AK4: variants seen among roughly 807,000 people sequenced by gnomAD.
AK4 encodes the protein adenylate kinase 4, also known as adenylate kinase 4, mitochondrial.
AK4 carries 13 observed loss-of-function variants against 24.6 expected under a neutral mutation model. The ratio of observed to expected loss-of-function variants is 0.53; its 90% CI spans 0.34 to 0.84. AK4 has a LOEUF of 0.84. Among genes scored for constraint, AK4 ranks in the 40% least tolerant of loss-of-function variants. The pLI is 0.01. For synonymous variants in AK4, 88 were observed against 107.0 expected (o/e 0.82, Z 1.10); for missense variants, 192 against 288.2 (o/e 0.67, Z 2.42).
At chr1:65,183,650 CGTGTGTGTGTGTGTGTGTGTGTGT>C (rs56067788) in intron 1 of AK4, among the ~76,000 whole-genome samples, 1 of 140,732 alleles carries the variant, frequency 7.1e-6, no homozygotes. Context: ...TATAAATATC[CGTGTGTGTGTGTGTGTGTGTGTGT>C]GTGTGTGTGT....
intron 4 of AK4, 128 bp downstream of exon 4, chr1:65,224,998 T>C: frequency 1.6e-6 from 1 of 625,276 alleles, no homozygotes. Context: ...ATCCAAAACC[T>C]TCCCAGAAGT....
intron 1 of AK4, among the ~76,000 whole-genome samples, chr1:65,165,203 ATC>A (rs1650287796): frequency 6.6e-6 from 1 of 152,172 alleles, no homozygotes. Flanking sequence ...CATTTAAAAA[ATC>A]TCTAGTGTCT....
chr1:65,150,112 T>C (rs1004242844), intron 1 of AK4, among the ~76,000 whole-genome samples: 2 of 152,174 alleles, frequency 1.3e-5, no homozygotes, highest in Admixed American at 1.3e-4. Flanking sequence ...ACTTGGTGAC[T>C]TGTTTCCTTC....
chr1:65,224,708 G>T (rs181170632), intron 3 of AK4, 44 bp from the exon 4 acceptor site: 14 of 1,520,420 alleles, frequency 9.2e-6, no homozygotes, highest in Admixed American at 8.4e-5. Context: ...CTATGAAATG[G>T]CCCAACTGTT....
intron 2 of AK4, 150 bp downstream of exon 2, chr1:65,190,979 C>G: frequency 9.9e-7 from 1 of 1,014,826 alleles, no homozygotes; most frequent in Non-Finnish European, 1.4e-6. Context: ...ATGATAGGAA[C>G]CCATTGTGGT....
rs201471749 is a variant in AK4 at position 65,218,884 on chromosome 1, C to T, written c.396C>T (p.Ser132=). Residue 132 remains serine, a synonymous_variant, in exon 3 of 5, where the codon AGC becomes AGT. Transcript: ENST00000327299. ...RLSRRWIHPP[S]GRVYNLDFNP... is the part of the protein sequence containing the mutation. ...GCCGCCGTTGGATTCACCCTCCTAG[C>T]GGAAGGGTATATAACCTGGACTTCA... is the stretch of plus-strand genomic sequence containing the variant. 56 of 1,608,028 alleles carry T rather than the reference C, an allele frequency of 3.5e-5. No individual in the cohort carries two copies. The highest frequency in any genetic ancestry group is 2.5e-5 in the Non-Finnish European group (29 of 1,177,118).
At chr1:65,209,515 C>T (rs1308258327) in intron 2 of AK4, among the ~76,000 whole-genome samples, 2 of 152,144 alleles carry the variant, frequency 1.3e-5, no homozygotes, top group African/African-American at 2.4e-5. Context: ...TGATCCCTGC[C>T]GACAGGGGAT....
At chr1:65,201,068 AG>A (rs1265123574) in intron 2 of AK4, among the ~76,000 whole-genome samples, 2 of 152,198 alleles carry the variant, frequency 1.3e-5, no homozygotes, top group African/African-American at 4.8e-5. Flanking sequence ...CTGGGATTAC[AG>A]GTGTGAGCCA....
At chr1:65,165,413 C>T (rs1035155152) in intron 1 of AK4, among the ~76,000 whole-genome samples, 8 of 151,960 alleles carry the variant, frequency 5.3e-5, no homozygotes, top group Non-Finnish European at 1.0e-4. Flanking sequence ...TGAGATGACA[C>T]ACACCACACC....
At chr1:65,213,640 C>T (rs1341660742) in intron 2 of AK4, among the ~76,000 whole-genome samples, 1 of 152,198 alleles carries the variant, frequency 6.6e-6, no homozygotes, top group South Asian at 2.1e-4. Context: ...TCCATGTGCC[C>T]AGCACTTTGC....
In AK4 at chr1:65,218,861, C is replaced by T. The variant is rs780251417; in HGVS notation, c.373C>T (p.Arg125Cys). 5.5e-5 allele frequency: 89 copies of T among 1,607,652 alleles called. No individual in the cohort carries two copies. The highest frequency in any genetic ancestry group is 6.7e-5 in the Non-Finnish European group (79 of 1,177,122). ...PFETLKDRLS[R>C]RWIHPPSGRV... ...TGAAACACTTAAAGATCGTCTCAGC[C>T]GCCGTTGGATTCACCCTCCTAGCGG... is the stretch of plus-strand genomic sequence containing the variant. The change falls in exon 3 of 5, where the codon CGC becomes TGC. Residue 125 changes from arginine to cysteine, a missense_variant. Coordinates refer to ENST00000327299, the MANE Select transcript of AK4 (RefSeq NM_013410.4).
Position 65,227,442 on chromosome 1 carries a change from G to C in AK4, c.*1265G>C, listed in dbSNP as rs968132498. The C allele has an allele frequency of 6.6e-6, 1 of 152,286 alleles. No individual in the cohort carries two copies. Among genetic ancestry groups the C allele is most frequent in the African/African-American group, 2.4e-5 (1 of 41,346 alleles). 9.4% of individuals were successfully genotyped at this position (152,286 alleles called of 1,614,324 possible). On this transcript the variant is annotated 3_prime_UTR_variant, in exon 5 of 5. Coordinates refer to ENST00000327299, the MANE Select transcript of AK4 (RefSeq NM_013410.4). Reference sequence around the variant, plus strand: ...GGGGTGGCCATAAAGTCTAGAATTAGATACTAATATTTTGTCATTCATTAT... The same window carrying C: ...GGGGTGGCCATAAAGTCTAGAATTACATACTAATATTTTGTCATTCATTAT...
rs116210553 is a variant in AK4 at position 65,163,423 on chromosome 1, C to A, written c.145+14871C>A. Among the ~76,000 whole-genome samples the A allele has an allele frequency of 5.3e-5, 8 of 152,300 alleles. 1 individual carries two copies. In the East Asian group the frequency reaches 1.5e-3, roughly 29 times the overall value. ...AAAAAAGAGAAATGACTACAGAAAT[C>A]GGAAGTGAGATACAGAATGGCTGGA... On this transcript the variant is annotated intron_variant, in intron 1 of 4. Coordinates refer to ENST00000327299, the MANE Select transcript of AK4 (RefSeq NM_013410.4).
chr1:65,208,998 G>A (rs1651893147), intron 2 of AK4, among the ~76,000 whole-genome samples: 1 of 151,438 alleles, frequency 6.6e-6, no homozygotes, highest in Admixed American at 6.6e-5. Flanking sequence ...TTGTGGGGGG[G>A]GTCTTAAAAA....
At chr1:65,161,340 C>T (rs1215788750) in intron 1 of AK4, among the ~76,000 whole-genome samples, 2 of 152,154 alleles carry the variant, frequency 1.3e-5, no homozygotes, top group African/African-American at 2.4e-5. Flanking sequence ...AACTTGTTCT[C>T]TGTCTTTGAG....
chr1:65,152,426 G>A (rs1169745270), intron 1 of AK4, among the ~76,000 whole-genome samples: 6 of 66,188 alleles, frequency 9.1e-5, no homozygotes, highest in African/African-American at 1.8e-4. Context: ...TTTTTGAGCC[G>A]GAGTCTCACT....
intron 1 of AK4, among the ~76,000 whole-genome samples, chr1:65,185,239 G>A (rs943270853): frequency 1.4e-4 from 21 of 152,134 alleles, no homozygotes; most frequent in African/African-American, 2.9e-4. Context: ...GTAAGGCCCC[G>A]TGCGTAGTTT....
At chr1:65,188,853 C>T (rs2101038087) in intron 1 of AK4, among the ~76,000 whole-genome samples, 1 of 152,284 alleles carries the variant, frequency 6.6e-6, no homozygotes, top group South Asian at 2.1e-4. Flanking sequence ...TGGCTCACTG[C>T]AACCTCCGCC....
chr1:65,175,892 C>T (rs891039804), intron 1 of AK4, among the ~76,000 whole-genome samples: 7 of 152,158 alleles, frequency 4.6e-5, no homozygotes, highest in African/African-American at 7.2e-5. Flanking sequence ...TTTTCTCCTC[C>T]GCTGCTTATA....
Sources: gnomAD v4.1 joint callset for allele counts (sites outside exome capture counted in the v4.1 genomes callset) on GRCh38, gnomAD v4.1.1 for gene constraint, MANE v1.5 for transcripts, NCBI Gene and HGNC (gene_info 2026-07-23, HGNC 2026-07-21) for gene names.